DPP10: variants seen among roughly 807,000 people sequenced by gnomAD.
DPP10 encodes the protein dipeptidyl peptidase like 10.
A neutral mutation model predicts 120.9 loss-of-function variants in DPP10; 33 were observed. The observed-to-expected ratio is 0.27, with a 90% CI of 0.21 to 0.37. The LOEUF is 0.37. Ranked by LOEUF, DPP10 falls within the 10% of genes least tolerant of loss-of-function variation. DPP10 has a pLI of 1.00. For synonymous variants in DPP10, 337 were observed against 326.1 expected, an observed-to-expected ratio of 1.03 and a Z score of -0.36; for missense variants, 816 against 942.8, an observed-to-expected ratio of 0.87 and a Z score of 1.76.
intron 1 of DPP10, among the ~76,000 whole-genome samples, chr2:114,556,650 G>A (rs1299325328): frequency 1.3e-5 from 2 of 152,092 alleles, no homozygotes; most frequent in Admixed American, 1.3e-4. Context: ...TTTAAGCTAG[G>A]GGGAGGATGA....
chr2:114,814,496 T>C (rs1226371600), intron 1 of DPP10, among the ~76,000 whole-genome samples: 5 of 152,152 alleles, frequency 3.3e-5, no homozygotes, highest in African/African-American at 1.2e-4. Context: ...GTATCTGGAA[T>C]TAACTATAAT....
chr2:114,703,011 A>G (rs974643947), intron 1 of DPP10, among the ~76,000 whole-genome samples: 1 of 152,094 alleles, frequency 6.6e-6, no homozygotes, highest in Non-Finnish European at 1.5e-5. Context: ...GGGTGGGAAG[A>G]AGGGGAGGGG....
At chr2:115,259,211 G>C (rs566357187) in intron 1 of DPP10, among the ~76,000 whole-genome samples, 3 of 152,288 alleles carry the variant, frequency 2.0e-5, no homozygotes, top group South Asian at 2.1e-4. Context: ...GGTGGGTGGG[G>C]TGGCTCACAC....
intron 5 of DPP10, among the ~76,000 whole-genome samples, chr2:115,634,496 C>A (rs985951310): frequency 2.0e-5 from 3 of 152,064 alleles, no homozygotes; most frequent in African/African-American, 4.8e-5. Flanking sequence ...TGCTTGGGGT[C>A]CACTCCAGAC....
intron 5 of DPP10, among the ~76,000 whole-genome samples, chr2:115,535,081 T>G (rs1016187519): frequency 1.3e-5 from 2 of 149,032 alleles, no homozygotes; most frequent in African/African-American, 5.1e-5. Flanking sequence ...ACTCTGATGG[T>G]AGTTTCTTTT....
At chr2:115,055,458 G>T (rs1398500155) in intron 1 of DPP10, among the ~76,000 whole-genome samples, 1 of 152,174 alleles carries the variant, frequency 6.6e-6, no homozygotes, top group African/African-American at 2.4e-5. Flanking sequence ...GTTTGAAAAA[G>T]TGGTAGAAGA....
chr2:114,902,362 T>A (rs1574454409), intron 1 of DPP10, among the ~76,000 whole-genome samples: 2 of 152,352 alleles, frequency 1.3e-5, no homozygotes, highest in East Asian at 1.9e-4. Flanking sequence ...CAATGCTACC[T>A]GTGTCATAAA....
intron 3 of DPP10, among the ~76,000 whole-genome samples, chr2:115,354,976 G>A (rs2106323797): frequency 6.6e-6 from 1 of 152,306 alleles, no homozygotes; most frequent in African/African-American, 2.4e-5. Context: ...TTGGTTCCAT[G>A]ACTTTGCTGT....
intron 1 of DPP10, among the ~76,000 whole-genome samples, chr2:115,002,439 A>T (rs895948182): frequency 4.6e-5 from 7 of 152,200 alleles, no homozygotes; most frequent in African/African-American, 1.7e-4. Context: ...CCTAGGAAAT[A>T]CTATTCTGGA....
At chr2:114,466,952 A>C (rs1299878296) in intron 1 of DPP10, among the ~76,000 whole-genome samples, 1 of 151,870 alleles carries the variant, frequency 6.6e-6, no homozygotes, top group Non-Finnish European at 1.5e-5. Context: ...GGAAGCACAA[A>C]AATTGCTTGA....
At chr2:115,823,494 C>T (rs925278684) in intron 21 of DPP10, among the ~76,000 whole-genome samples, 1 of 152,090 alleles carries the variant, frequency 6.6e-6, no homozygotes, top group African/African-American at 2.4e-5. Flanking sequence ...TTGTTTACGC[C>T]ATCCACCAAA....
rs115831167 is a variant in DPP10 at position 114,487,225 on chromosome 2, A to G, written c.60+44387A>G. ...TCCTGTACGGATAGTTGCTTTTGAC[A>G]AGGTACCAGTGTAGTATGTGACAAT... On this transcript the variant is annotated intron_variant, in intron 1 of 25. Coordinates refer to ENST00000410059, the MANE Select transcript of DPP10 (RefSeq NM_020868.6). 9.7e-3 allele frequency among the ~76,000 whole-genome samples: 1,481 copies of G among 152,292 alleles called. 24 individuals carry two copies. The highest frequency in any genetic ancestry group is 0.032 in the African/African-American group (1,319 of 41,566).
intron 4 of DPP10, among the ~76,000 whole-genome samples, chr2:115,515,717 G>A (rs1364804427): frequency 6.6e-6 from 1 of 152,044 alleles, no homozygotes; most frequent in African/African-American, 2.4e-5. Flanking sequence ...AGAAATGAAT[G>A]AATGTAAAGG....
chr2:115,422,830 A>G (rs2070102186), intron 3 of DPP10, among the ~76,000 whole-genome samples: 1 of 152,136 alleles, frequency 6.6e-6, no homozygotes, highest in Admixed American at 6.5e-5. Flanking sequence ...TCATTTACAC[A>G]TATGGAAAAC....
At chr2:114,795,558 G>A (rs1174960442) in intron 1 of DPP10, among the ~76,000 whole-genome samples, 2 of 151,430 alleles carry the variant, frequency 1.3e-5, no homozygotes, top group Admixed American at 6.6e-5. Context: ...CTTAATCTAA[G>A]TATAGTGCAC....
chr2:114,716,466 A>G (rs373590881), intron 1 of DPP10, among the ~76,000 whole-genome samples: 10 of 152,284 alleles, frequency 6.6e-5, no homozygotes, highest in African/African-American at 9.6e-5. Context: ...TTTTTATCCA[A>G]TAGAACTTTA....
chr2:114,876,264 C>A (rs967993515), intron 1 of DPP10, among the ~76,000 whole-genome samples: 1 of 152,066 alleles, frequency 6.6e-6, no homozygotes, highest in Admixed American at 6.6e-5. Flanking sequence ...TTTATAATGG[C>A]ATCACCAGCA....
chr2:115,565,769 G>GT (rs144846765), intron 5 of DPP10, among the ~76,000 whole-genome samples: 84,149 of 135,552 alleles, frequency 0.62, 26,629 homozygotes, highest in Middle Eastern at 0.74. Flanking sequence ...TGTTTGTTTT[G>GT]TTTTTTTTTG....
intron 19 of DPP10, among the ~76,000 whole-genome samples, chr2:115,802,572 C>T: frequency 6.6e-6 from 1 of 152,140 alleles, no homozygotes; most frequent in East Asian, 1.9e-4. Context: ...GCATTTAGTG[C>T]TATAAATTTC....
Sources: allele counts gnomAD v4.1 joint callset (sites outside exome capture counted in the v4.1 genomes callset), GRCh38; gene constraint gnomAD v4.1.1; transcripts MANE v1.5; gene names NCBI Gene and HGNC (gene_info 2026-07-23, HGNC 2026-07-21).